The following PLEC variants were observed in gnomAD, a reference collection of about 807,000 sequenced individuals.
PLEC encodes the protein hemidesmosomal protein 1.
PLEC carries 216 observed loss-of-function variants against 392.8 expected under a neutral mutation model. That is an observed-to-expected ratio of 0.55 (90% CI 0.49 to 0.62). The LOEUF (loss-of-function observed/expected upper bound fraction) is 0.62. Among genes scored for constraint, PLEC ranks in the 20% least tolerant of loss-of-function variants. The pLI is 0.00. For synonymous variants in PLEC, 3,621 were observed against 2,980.6 expected (o/e 1.21, Z -7.00); for missense variants, 6,863 against 6,563.4 (o/e 1.05, Z -1.58).
chr8:143,955,584 A>G (rs568905063), upstream of PLEC, among the ~76,000 whole-genome samples: 1 of 152,092 alleles, frequency 6.6e-6, no homozygotes, highest in Non-Finnish European at 1.5e-5. Context: ...ATACATTTTT[A>G]AAAAATGCTG....
Position 143,920,573 on chromosome 8 carries a change from C to A in PLEC, c.9248G>T (p.Arg3083Leu), listed in dbSNP as rs201948649. The change falls in exon 32 of 32, where the codon CGT (arginine) becomes CTT (leucine). Residue 3083 changes from arginine to leucine, a missense_variant. Arg to Leu is a moderately radical substitution (Grantham distance 102). Coordinates refer to ENST00000345136, the MANE Select transcript of PLEC (RefSeq NM_201384.3). ...SARLTVDEAV[R>L]AGLVGPEFHE... ...AAACTCGGGGCCCACCAGGCCAGCA[C>A]GCACTGCCTCGTCCACGGTCAGCCG... is the stretch of plus-strand genomic sequence containing the variant. The A allele has an allele frequency of 1.2e-6, 2 of 1,611,016 alleles. No individual in the cohort carries two copies. The highest frequency in any genetic ancestry group is 2.2e-5 in the East Asian group (1 of 44,874).
At chr8:143,932,316 C>G in intron 16 of PLEC, 82 bp from the exon 17 acceptor site, 1 of 1,607,800 alleles carries the variant, frequency 6.2e-7, no homozygotes, top group Non-Finnish European at 8.5e-7. Context: ...CCCAGGGCCC[C>G]CACTGGTCTC....
chr8:143,932,261 G>T, intron 16 of PLEC, 27 bp from the exon 17 acceptor site: 1 of 1,610,608 alleles, frequency 6.2e-7, no homozygotes. Context: ...GGGTCTCAGG[G>T]ACGGCCGGCC....
rs1833523234 is a variant in PLEC at position 143,973,245 on chromosome 8, C to T, written c.70+158G>A. Among the ~76,000 whole-genome samples, 1 of 152,168 alleles carries T rather than the reference C, an allele frequency of 6.6e-6. No individual in the cohort carries two copies. The highest frequency in any genetic ancestry group is 2.1e-4 in the South Asian group (1 of 4,832). On this transcript the variant is annotated intron_variant, in intron 1 of 31. Transcript: ENST00000356346. The surrounding 1 kb of genome is among the most constrained non-coding windows in gnomAD (Gnocchi z 5.6). ...CTCAGCGGAGCGAGTCCTCCCCTTC[C>T]CTAGGCACTGGCAGCCGTTGGGGGC...
Position 143,969,709 on chromosome 8 carries a change from G to A in PLEC, c.70+3694C>T, listed in dbSNP as rs782090231. On this transcript the variant is annotated intron_variant, in intron 1 of 31. Coordinates refer to the PLEC transcript ENST00000356346. This position sits in a 1 kb window ranked among gnomAD's most constrained non-coding sequence, Gnocchi z 5.1. ...TCCTGGGGGTCAGGGCATGAGTGCA[G>A]GCCGGGGAGTGGGGAGTGGGGCCAG... 1.7e-4 allele frequency among the ~76,000 whole-genome samples: 26 copies of A among 152,210 alleles called. No individual in the cohort carries two copies. Among genetic ancestry groups the A allele is most frequent in the African/African-American group, 5.8e-4 (24 of 41,456 alleles).
In PLEC at chr8:143,923,526, C is replaced by G. The variant is rs1554692832; in HGVS notation, c.6403G>C (p.Ala2135Pro). The change falls in exon 31 of 32, where the codon GCA becomes CCA. Residue 2135 changes from alanine to proline, a missense_variant. By Grantham distance (27) the Ala-to-Pro change is conservative. Coordinates refer to ENST00000345136, the MANE Select transcript of PLEC (RefSeq NM_201384.3). ...TCGGCCTCCTTGCGCAGCTTCTCTG[C>G]AGCCGCCTGTGCCTGAGCCCGGGCC... ...AQARAQAQAAAEKLRKEAEQE... is the reference protein window; with the variant it reads ...AQARAQAQAAPEKLRKEAEQE... 1.3e-6 allele frequency: 2 copies of G among 1,599,978 alleles called. No individual in the cohort carries two copies. The highest frequency in any genetic ancestry group is 1.7e-6 in the Non-Finnish European group (2 of 1,178,506).
rs782408239 is a variant in PLEC at position 143,921,157 on chromosome 8, A to T, written c.8664T>A (p.Ala2888=). The T allele has an allele frequency of 1.2e-6, 2 of 1,613,680 alleles. No homozygotes were observed. The highest frequency in any genetic ancestry group is 4.5e-5 in the East Asian group (2 of 44,876). Reference sequence around the variant, plus strand: ...TGTAGACCAGCTCCCCGCCCTTGGCAGCCTTATCCGTGAGTGGCAGAAGGC... The same window carrying T: ...TGTAGACCAGCTCCCCGCCCTTGGCTGCCTTATCCGTGAGTGGCAGAAGGC... ...GLCLLPLTDK[A]AKGGELVYTD... The change falls in exon 32 of 32, where the codon GCT becomes GCA. Residue 2888 remains alanine, a synonymous_variant. Coordinates refer to ENST00000345136, the MANE Select transcript of PLEC (RefSeq NM_201384.3).
chr8:143,958,133 C>T (rs1415141656), upstream of PLEC, among the ~76,000 whole-genome samples: 1 of 150,840 alleles, frequency 6.6e-6, no homozygotes, highest in Non-Finnish European at 1.5e-5. The surrounding 1 kb of genome is among the most constrained non-coding windows in gnomAD (Gnocchi z 4.9). Flanking sequence ...CTTGGCCCAA[C>T]AACAGCCCGG....
At position 143,930,544 on chromosome 8, in the gene PLEC, G is replaced by GGAGGGGCAGCATCCAGAC. The variant is rs1341821580; in HGVS notation, c.2305-26_2305-9dup. 18 of 1,582,244 alleles carry GGAGGGGCAGCATCCAGAC rather than the reference G, an allele frequency of 1.1e-5. No homozygotes were observed. The highest frequency in any genetic ancestry group is 1.5e-5 in the Non-Finnish European group (17 of 1,164,546). On this transcript the variant is annotated splice_polypyrimidine_tract_variant and intron_variant, in intron 19 of 31. Coordinates refer to ENST00000345136, the MANE Select transcript of PLEC (RefSeq NM_201384.3). The stretch of plus-strand genomic sequence containing the variant: ...CAGCTGTTCCTTCTCGTCCTGTGGG[G>GGAGGGGCAGCATCCAGAC]GAGGGGCAGCATCCAGACGAGGGCC...
chr8:143,940,286 G>A (rs1000779773), upstream of PLEC, among the ~76,000 whole-genome samples: 8 of 152,346 alleles, frequency 5.3e-5, no homozygotes, highest in South Asian at 1.4e-3. Context: ...TCGGAGGCGC[G>A]TAGCTGAGGG....
upstream of PLEC, among the ~76,000 whole-genome samples, chr8:143,958,368 C>T (rs1832707051): frequency 6.6e-6 from 1 of 152,176 alleles, no homozygotes; most frequent in African/African-American, 2.4e-5. This position sits in a 1 kb window ranked among gnomAD's most constrained non-coding sequence, Gnocchi z 4.9. Context: ...CATCCTTCTC[C>T]TCTCTCCCCT....
chr8:143,952,181 AACACACACACACAC>A (rs66992958), upstream of PLEC, among the ~76,000 whole-genome samples: 6 of 140,306 alleles, frequency 4.3e-5, no homozygotes, highest in South Asian at 1.3e-3. Flanking sequence ...GCAGGCTCCA[AACACACACACACAC>A]ACACACACAC....
intron 25 of PLEC, among the ~76,000 whole-genome samples, chr8:143,928,364 A>T (rs1265363901): frequency 1.3e-5 from 2 of 152,268 alleles, no homozygotes; most frequent in Non-Finnish European, 2.9e-5. Context: ...CGAAGGGGAC[A>T]CCGGGGTGGA....
At position 143,919,075 on chromosome 8, in the gene PLEC, G is replaced by C. The variant is rs1554677061; in HGVS notation, c.10746C>G (p.Gly3582=). 2 of 1,611,252 alleles carry C rather than the reference G, an allele frequency of 1.2e-6. No individual in the cohort carries two copies. Among genetic ancestry groups the C allele is most frequent in the South Asian group, 1.1e-5 (1 of 91,088 alleles). Residue 3582 remains glycine (G), a synonymous_variant, in exon 32 of 32, where the codon GGC becomes GGG. Coordinates refer to ENST00000345136, the MANE Select transcript of PLEC (RefSeq NM_201384.3). ...TCACCTCCCACAGGGACATGGTGGA[G>C]CCGCCGTGGCTGCCGCCGCCGGGAA... The part of the protein sequence containing the change: ...IDIPGGGSHG[G]STMSLWEVMQ...
chr8:143,944,815 G>A, intron 1 of PLEC: 1 of 726,326 alleles, frequency 1.4e-6, no homozygotes, highest in Non-Finnish European at 2.0e-6. Flanking sequence ...TTGTGGGGGA[G>A]GGGAGCAGTG....
In PLEC at chr8:143,922,998, T is replaced by A; in HGVS notation, c.6931A>T (p.Met2311Leu). The change falls in exon 31 of 32, where the codon ATG becomes TTG. Residue 2311 changes from methionine to leucine, a missense_variant. Met to Leu is a conservative substitution (Grantham distance 15). Transcript: ENST00000345136. ...LAQQRALAEK[M>L]LKEKMQAVQE... ...ACCGCCTGCATCTTCTCCTTGAGCA[T>A]CTTCTCTGCCAAGGCCCGCTGCTGT... 1.2e-6 allele frequency: 2 copies of A among 1,611,906 alleles called. No individual in the cohort carries two copies. Among genetic ancestry groups the A allele is most frequent in the South Asian group, 1.1e-5 (1 of 90,890 alleles).
intron 1 of PLEC, among the ~76,000 whole-genome samples, chr8:143,949,447 C>T (rs1427420909): frequency 6.6e-6 from 1 of 152,174 alleles, no homozygotes; most frequent in African/African-American, 2.4e-5. Flanking sequence ...CAGAGGGAGG[C>T]CACAGAGAAG....
chr8:143,934,739 G>A lies in PLEC; in HGVS notation c.946-9C>T, dbSNP rs533035329. 1.9e-6 allele frequency: 3 copies of A among 1,612,190 alleles called. No individual in the cohort carries two copies. Among genetic ancestry groups the A allele is most frequent in the African/African-American group, 2.7e-5 (2 of 74,938 alleles). On this transcript the variant is annotated splice_polypyrimidine_tract_variant and intron_variant, in intron 9 of 31. Coordinates refer to ENST00000345136, the MANE Select transcript of PLEC (RefSeq NM_201384.3). Reference sequence around the variant, plus strand: ...AACTGAGACCACAGGATCTGCCAGGGACGAGGCTGTCGGCAACCACGCCGG... The same window carrying A: ...AACTGAGACCACAGGATCTGCCAGGAACGAGGCTGTCGGCAACCACGCCGG...
Position 143,918,546 on chromosome 8 carries a change from C to T in PLEC, c.11275G>A (p.Asp3759Asn), listed in dbSNP as rs781916673. ...GCCCGCTCAGCCGAGAGCAGGCGGT[C>T]GTGCAGCTCGGGCCCCACGAGGCCC... ...RKGLVGPELHDRLLSAERAVT... is the reference protein window; with the variant it reads ...RKGLVGPELHNRLLSAERAVT... The change falls in exon 32 of 32, where the codon GAC (aspartate) becomes AAC (asparagine). Residue 3759 changes from aspartate to asparagine, a missense_variant. Asp to Asn is a conservative substitution (Grantham distance 23). Coordinates refer to ENST00000345136, the MANE Select transcript of PLEC (RefSeq NM_201384.3). 2.0e-5 allele frequency: 33 copies of T among 1,610,162 alleles called. No homozygotes were observed. In the Admixed American group the frequency reaches 4.0e-4, roughly 20 times the overall value.
Sources: allele counts gnomAD v4.1 joint callset (sites outside exome capture counted in the v4.1 genomes callset), GRCh38; gene constraint gnomAD v4.1.1; non-coding constraint Gnocchi (gnomAD v3.1); transcripts MANE v1.5; gene names NCBI Gene and HGNC (gene_info 2026-07-23, HGNC 2026-07-21).